The following CFAP77 variants were observed in gnomAD, a reference collection of about 807,000 sequenced individuals.
CFAP77 encodes cilia and flagella associated protein 77.
CFAP77 carries 25 observed loss-of-function variants against 31.1 expected under a neutral mutation model. That is an observed-to-expected ratio of 0.80 (90% CI 0.59 to 1.12). The LOEUF (loss-of-function observed/expected upper bound fraction) is 1.12, where lower values mean the gene tolerates loss of function less well. CFAP77 is among the 50% of genes most tolerant of loss of function. The pLI is 0.00. For synonymous variants in CFAP77, 151 were observed against 159.9 expected (o/e 0.94, Z 0.42); for missense variants, 377 against 397.3 (o/e 0.95, Z 0.44).
intron 3 of CFAP77, among the ~76,000 whole-genome samples, chr9:132,503,801 C>T (rs1851891884): frequency 6.6e-6 from 1 of 152,102 alleles, no homozygotes; most frequent in African/African-American, 2.4e-5. Flanking sequence ...GTAATCCCAG[C>T]AGTTTGGGAG....
chr9:132,485,996 A>G (rs28689755), intron 1 of CFAP77, among the ~76,000 whole-genome samples: 15,125 of 29,594 alleles, frequency 0.51, 2,746 homozygotes, highest in East Asian at 0.66. Flanking sequence ...ATATATATAT[A>G]TATATATATA....
chr9:132,434,498 T>C lies in CFAP77; in HGVS notation c.195+24032T>C, dbSNP rs531319463. ...TAGTGAATAGTAGCCTTGGCATTTC[T>C]ACAAACATCTAGATGTATTTTCGAT... On this transcript the variant is annotated intron_variant, in intron 1 of 5. Transcript: ENST00000393216. 6.6e-5 allele frequency among the ~76,000 whole-genome samples: 10 copies of C among 152,330 alleles called. No homozygotes were observed. The East Asian group carries it at 1.9e-3, about 29-fold the overall frequency.
rs1402478344 is a variant in CFAP77, at chr9:132,481,404, C to G, written c.196-17291C>G. On this transcript the variant is annotated intron_variant, in intron 1 of 5. Transcript: ENST00000393216. The surrounding 1 kb of genome is among the most constrained non-coding windows in gnomAD (Gnocchi z 5.0). ...AAGCTTGTGTATTCCTATTTCTTTT[C>G]CCTTTGACTAGCCGCCTAATCCTCG... Among the ~76,000 whole-genome samples, 2 of 152,198 alleles carry G rather than the reference C, an allele frequency of 1.3e-5. No homozygotes were observed. The highest frequency in any genetic ancestry group is 2.9e-5 in the Non-Finnish European group (2 of 68,030).
intron 1 of CFAP77, among the ~76,000 whole-genome samples, chr9:132,445,906 A>G (rs1850703508): frequency 6.6e-6 from 1 of 151,662 alleles, no homozygotes; most frequent in Non-Finnish European, 1.5e-5. Flanking sequence ...AAAGAAAAAC[A>G]AAATAAATAA....
At chr9:132,437,655 G>A (rs921810127) in intron 1 of CFAP77, among the ~76,000 whole-genome samples, 17 of 151,362 alleles carry the variant, frequency 1.1e-4, no homozygotes, top group African/African-American at 3.9e-4. Context: ...GACTACAGGC[G>A]CCCGCCAGCA....
chr9:132,563,979 C>G (rs1829855966), intron 5 of CFAP77, among the ~76,000 whole-genome samples: 1 of 152,190 alleles, frequency 6.6e-6, no homozygotes, highest in South Asian at 2.1e-4. Flanking sequence ...CTTTGAGTAT[C>G]TGCTTGTGTG....
intron 1 of CFAP77, among the ~76,000 whole-genome samples, chr9:132,440,597 A>G (rs942635945): frequency 3.5e-4 from 53 of 152,208 alleles, no homozygotes; most frequent in Non-Finnish European, 1.0e-4. Flanking sequence ...TCCATAGCCC[A>G]TCCTCTTGTT....
chr9:132,525,029 T>C (rs937854537), intron 3 of CFAP77, among the ~76,000 whole-genome samples: 32 of 148,330 alleles, frequency 2.2e-4, no homozygotes, highest in African/African-American at 7.4e-4. Flanking sequence ...GTAATTTTTT[T>C]TTTTTTTTGA....
Position 132,499,266 on chromosome 9 carries a change from A to G in CFAP77, c.296-106A>G. 2 of 986,948 alleles carry G rather than the reference A, an allele frequency of 2.0e-6. No individual in the cohort carries two copies. Among genetic ancestry groups the G allele is most frequent in the Non-Finnish European group, 3.0e-6 (2 of 661,414 alleles). The allele number at this position is 986,948 out of a possible 1,614,324, so 61.1% of individuals were successfully genotyped here. ...GTTGTCACCCAGTAGGCTCAGGTAA[A>G]TGGGAAGGCCGAGGACCCGCGTGCC... On this transcript the variant is annotated intron_variant, in intron 2 of 5. Coordinates refer to ENST00000393216, the MANE Select transcript of CFAP77 (RefSeq NM_001282957.2). The surrounding 1 kb of genome is among the most constrained non-coding windows in gnomAD (Gnocchi z 5.4).
At chr9:132,556,762 TG>T (rs1852912286) in intron 5 of CFAP77, among the ~76,000 whole-genome samples, 2 of 152,238 alleles carry the variant, frequency 1.3e-5, no homozygotes, top group Non-Finnish European at 2.9e-5. Context: ...GTCAGGGAAC[TG>T]AGGCAAATCC....
chr9:132,518,180 C>T (rs917625516), intron 3 of CFAP77, among the ~76,000 whole-genome samples: 1 of 152,126 alleles, frequency 6.6e-6, no homozygotes, highest in Admixed American at 6.5e-5. Flanking sequence ...GAAGCCCTCA[C>T]AGCCCGAGTG....
At chr9:132,534,959 T>C (rs1457316744) in intron 3 of CFAP77, among the ~76,000 whole-genome samples, 2 of 152,212 alleles carry the variant, frequency 1.3e-5, no homozygotes, top group Non-Finnish European at 2.9e-5. Context: ...GCTTCTGGCA[T>C]GGGGACCTCC....
intron 5 of CFAP77, among the ~76,000 whole-genome samples, chr9:132,570,640 AT>A (rs1315279667): frequency 2.6e-5 from 4 of 152,206 alleles, no homozygotes; most frequent in African/African-American, 9.7e-5. Context: ...TCCAAAGAGC[AT>A]CCCCAAGGGG....
At chr9:132,571,003 C>T (rs567058048) in intron 5 of CFAP77, among the ~76,000 whole-genome samples, 3 of 152,254 alleles carry the variant, frequency 2.0e-5, no homozygotes, top group South Asian at 4.1e-4. Flanking sequence ...TCCCTACAAG[C>T]CCCTCCTTAT....
intron 5 of CFAP77, among the ~76,000 whole-genome samples, chr9:132,555,334 C>T (rs1035512305): frequency 2.0e-5 from 3 of 152,292 alleles, no homozygotes; most frequent in African/African-American, 7.2e-5. Context: ...GTACACTCCA[C>T]CCCGATGGGC....
intron 3 of CFAP77, among the ~76,000 whole-genome samples, chr9:132,535,855 T>G (rs1852532364): frequency 6.6e-6 from 1 of 152,162 alleles, no homozygotes; most frequent in Non-Finnish European, 1.5e-5. Context: ...TCTCTTTAAT[T>G]TTTTCATAAT....
chr9:132,487,288 C>G (rs970281771), intron 1 of CFAP77, among the ~76,000 whole-genome samples: 1 of 152,158 alleles, frequency 6.6e-6, no homozygotes, highest in Non-Finnish European at 1.5e-5. Flanking sequence ...AGCTGGGAGT[C>G]CGACTCAGCT....
intron 3 of CFAP77, among the ~76,000 whole-genome samples, chr9:132,530,665 C>T (rs952632875): frequency 1.3e-5 from 2 of 152,026 alleles, no homozygotes; most frequent in African/African-American, 2.4e-5. Context: ...ATTCTAGATA[C>T]GAGTCCTTTG....
rs1564228302 is a variant in CFAP77 at position 132,498,447 on chromosome 9, C to G, written c.196-248C>G. On this transcript the variant is annotated intron_variant, in intron 1 of 5. Coordinates refer to ENST00000393216, the MANE Select transcript of CFAP77 (RefSeq NM_001282957.2). This position sits in a 1 kb window ranked among gnomAD's most constrained non-coding sequence, Gnocchi z 4.2. ...ACAATACACATGTACCGAGAGGCCC[C>G]CCGTCTCTGATGTCTTCACTTGCCT... Among the ~76,000 whole-genome samples the G allele has an allele frequency of 6.6e-6, 1 of 152,144 alleles. No individual in the cohort carries two copies. Among genetic ancestry groups the G allele is most frequent in the Non-Finnish European group, 1.5e-5 (1 of 68,020 alleles).
Sources: allele counts gnomAD v4.1 joint callset (sites outside exome capture counted in the v4.1 genomes callset), GRCh38; gene constraint gnomAD v4.1.1; non-coding constraint Gnocchi (gnomAD v3.1); transcripts MANE v1.5; gene names NCBI Gene and HGNC (gene_info 2026-07-23, HGNC 2026-07-21).